The following DOCK6 variants were observed in gnomAD, a reference collection of about 807,000 sequenced individuals.
The protein encoded by DOCK6 is dedicator of cytokinesis 6, also known as dedicator of cytokinesis protein 6.
DOCK6 carries 167 observed loss-of-function variants against 230.3 expected under a neutral mutation model. The observed-to-expected ratio is 0.73, with a 90% CI of 0.64 to 0.82. The LOEUF (loss-of-function observed/expected upper bound fraction) is 0.82. Among genes scored for constraint, DOCK6 ranks in the 40% least tolerant of loss-of-function variants. The pLI is 0.00. For synonymous variants in DOCK6, 1,148 were observed against 1,185.0 expected (o/e 0.97, Z 0.64); for missense variants, 2,598 against 2,825.8 (o/e 0.92, Z 1.83).
chr19:11,211,950 G>A, intron 36 of DOCK6, 43 bp downstream of exon 36: 4 of 1,046,216 alleles, frequency 3.8e-6, no homozygotes, highest in Non-Finnish European at 5.5e-6. Flanking sequence ...GGGGTTGGGA[G>A]TTATATGAAG....
chr19:11,216,272 G>GCAGA, intron 30 of DOCK6: 1 of 193,896 alleles, frequency 5.2e-6, no homozygotes, highest in South Asian at 1.0e-4. Flanking sequence ...ATTTTTCGTA[G>GCAGA]AGATGGGGTT....
At position 11,237,722 on chromosome 19, in the gene DOCK6, G is replaced by C; in HGVS notation, c.1890C>G (p.Asn630Lys). 1 of 1,585,104 alleles carries C rather than the reference G, an allele frequency of 6.3e-7. No individual in the cohort carries two copies. ...KLHLPACVTE[N>K]HHLLFTFYHV... ...GGTAGAAGGTGAACAGCAGGTGATG[G>C]TTCTCTGTCACGCAGGCTGGAAGAT... Residue 630 changes from asparagine (N) to lysine (K), a missense_variant, in exon 17 of 48, where the codon AAC becomes AAG. Transcript: ENST00000294618.
chr19:11,255,284 C>T (rs578107103), intron 1 of DOCK6, among the ~76,000 whole-genome samples: 89 of 147,838 alleles, frequency 6.0e-4, no homozygotes, highest in African/African-American at 2.2e-3. Context: ...GGATTACAGG[C>T]ATGAGCCACC....
In DOCK6 at chr19:11,242,058, G is replaced by T; in HGVS notation, c.1630C>A (p.His544Asn). The change falls in exon 14 of 48, where the codon CAT becomes AAT. Residue 544 changes from histidine (H) to asparagine (N), a missense_variant. Coordinates refer to ENST00000294618, the MANE Select transcript of DOCK6 (RefSeq NM_020812.4). ...EFPAREVYAP[H>N]TSYRNLLYVY... ...CAGAGGCCGTACCTGTAGCTGGTAT[G>T]GGGGGCATAGACTTCGCGGGCGGGG... 1 of 1,564,730 alleles carries T rather than the reference G, an allele frequency of 6.4e-7. No individual in the cohort carries two copies. Among genetic ancestry groups the T allele is most frequent in the South Asian group, 1.2e-5 (1 of 82,232 alleles).
chr19:11,251,554 C>A (rs1359074584), intron 5 of DOCK6: 1 of 155,510 alleles, frequency 6.4e-6, no homozygotes, highest in African/African-American at 2.4e-5. Flanking sequence ...CTATGTACAT[C>A]TAAAAATAAT....
Position 11,233,259 on chromosome 19 carries a change from G to A in DOCK6, c.2662C>T (p.Leu888Phe). The change falls in exon 22 of 48, where the codon CTC (leucine) becomes TTC (phenylalanine). Residue 888 changes from leucine to phenylalanine, a missense_variant. By Grantham distance (22) the Leu-to-Phe change is conservative. Transcript: ENST00000294618. ...SKSISSSNPDLAVAPGSVDDE... is the reference protein window; with the variant it reads ...SKSISSSNPDFAVAPGSVDDE... ...TCCACAGAGCCAGGGGCCACGGCGA[G>A]GTCAGGGTTGCTGCTGCTGATGCTC... 3 of 1,613,932 alleles carry A rather than the reference G, an allele frequency of 1.9e-6. No homozygotes were observed. Among genetic ancestry groups the A allele is most frequent in the Non-Finnish European group, 2.5e-6 (3 of 1,179,866 alleles).
At chr19:11,237,358 G>T in intron 18 of DOCK6, 98 bp downstream of exon 18, 2 of 1,385,998 alleles carry the variant, frequency 1.4e-6, no homozygotes, top group Admixed American at 3.5e-5. Flanking sequence ...ACCAGTAGAG[G>T]ATAACAAGCC....
chr19:11,211,642 C>T (rs1320762939), intron 37 of DOCK6, 134 bp downstream of exon 37: 2 of 509,736 alleles, frequency 3.9e-6, no homozygotes, highest in Non-Finnish European at 6.8e-6. Context: ...ACCTGTCCCC[C>T]TCACTTGCCT....
At chr19:11,257,152 AATT>A (rs35111959) in intron 1 of DOCK6, among the ~76,000 whole-genome samples, 10 of 146,704 alleles carry the variant, frequency 6.8e-5, no homozygotes, top group South Asian at 2.2e-4. Flanking sequence ...ATGCTTGGCT[AATT>A]ATTATTATTA....
Position 11,262,459 on chromosome 19 carries a change from C to A in DOCK6, c.-19G>T. ...CAGCCATGGTCCTCGCGTCCCGCCG[C>A]CGCCGCCCCGGGCCCCGGCCCCGCC... On this transcript the variant is annotated 5_prime_UTR_variant, in exon 1 of 48. Transcript: ENST00000294618. The A allele has an allele frequency of 8.5e-7, 1 of 1,173,830 alleles. No homozygotes were observed. Among genetic ancestry groups the A allele is most frequent in the Non-Finnish European group, 1.1e-6 (1 of 952,112 alleles). The allele number at this position is 1,173,830 out of a possible 1,614,324, so 72.7% of individuals were successfully genotyped here.
intron 22 of DOCK6, among the ~76,000 whole-genome samples, chr19:11,230,762 G>T (rs1459805297): frequency 1.3e-5 from 2 of 152,086 alleles, no homozygotes; most frequent in African/African-American, 4.8e-5. Flanking sequence ...AGAGCCCAAG[G>T]TTCCAGGCCT....
intron 1 of DOCK6, among the ~76,000 whole-genome samples, chr19:11,260,579 CAAAA>C (rs1008729980): frequency 7.4e-6 from 1 of 134,550 alleles, no homozygotes; most frequent in Non-Finnish European, 1.6e-5. Context: ...GACCCTGTCT[CAAAA>C]AAAGAAAAGG....
intron 34 of DOCK6, 95 bp from the exon 35 acceptor site, chr19:11,213,423 TG>T: frequency 6.6e-7 from 1 of 1,506,522 alleles, no homozygotes; most frequent in Non-Finnish European, 8.9e-7. Context: ...GGCAGGGGTT[TG>T]TGTTCTGTCC....
In DOCK6 at chr19:11,208,708, T is replaced by C. The variant is rs769458024; in HGVS notation, c.5066A>G (p.Gln1689Arg). 3 of 1,611,924 alleles carry C rather than the reference T, an allele frequency of 1.9e-6. No homozygotes were observed. The highest frequency in any genetic ancestry group is 1.7e-5 in the Admixed American group (1 of 59,976). Reference sequence around the variant, plus strand: ...CACCATGGTGAAGTAGCCGGCTGCCTGTTCCAGCAACCCTACCAGCCCCAG... The same window carrying C: ...CACCATGGTGAAGTAGCCGGCTGCCCGTTCCAGCAACCCTACCAGCCCCAG... ...TELGLVGLLE[Q>R]AAGYFTMGGL... Residue 1689 changes from glutamine (Q) to arginine (R), a missense_variant, in exon 39 of 48, where the codon CAG (glutamine) becomes CGG (arginine). Gln to Arg is a conservative substitution (Grantham distance 43). Transcript: ENST00000294618.
chr19:11,200,679 C>T lies in DOCK6; in HGVS notation c.5939+37G>A, dbSNP rs370192866. On this transcript the variant is annotated intron_variant, in intron 46 of 47. Transcript: ENST00000294618. This position sits in a 1 kb window ranked among gnomAD's most constrained non-coding sequence, Gnocchi z 4.3. ...AGAGAGCAGGCCTATGCAGGTTAGG[C>T]AGACACGAGACCCCTCCTGGGGGGT... The T allele has an allele frequency of 3.2e-5, 51 of 1,577,994 alleles. No individual in the cohort carries two copies. Among genetic ancestry groups the T allele is most frequent in the Non-Finnish European group, 4.0e-5 (46 of 1,161,822 alleles).
At chr19:11,223,843 T>G (rs2079620081) in intron 24 of DOCK6, among the ~76,000 whole-genome samples, 1 of 152,022 alleles carries the variant, frequency 6.6e-6, no homozygotes, top group Non-Finnish European at 1.5e-5. Flanking sequence ...GATGGGGTTT[T>G]GCCATATTGG....
intron 2 of DOCK6, 120 bp from the exon 3 acceptor site, chr19:11,253,078 G>A: frequency 3.0e-6 from 3 of 997,562 alleles, no homozygotes; most frequent in Non-Finnish European, 4.4e-6. Context: ...GAGCCATGGA[G>A]GGTGTTGGAG....
intron 34 of DOCK6, 67 bp downstream of exon 34, chr19:11,214,208 A>G (rs2079440333): frequency 4.0e-6 from 6 of 1,510,908 alleles, no homozygotes; most frequent in Non-Finnish European, 5.3e-6. Context: ...TAGAGGCATG[A>G]GCCACTGTGC....
intron 37 of DOCK6, among the ~76,000 whole-genome samples, chr19:11,211,169 A>G (rs2079377945): frequency 6.8e-6 from 1 of 147,368 alleles, no homozygotes; most frequent in Non-Finnish European, 1.5e-5. Context: ...CCACCTTTTC[A>G]TTTCTCACTT....
Sources: allele counts gnomAD v4.1 joint callset (sites outside exome capture counted in the v4.1 genomes callset), GRCh38; gene constraint gnomAD v4.1.1; non-coding constraint Gnocchi (gnomAD v3.1); transcripts MANE v1.5; gene names NCBI Gene and HGNC (gene_info 2026-07-23, HGNC 2026-07-21).